ZBTB20: variants seen among roughly 807,000 people sequenced by gnomAD.
ZBTB20 encodes the protein zinc finger and BTB domain containing 20, also known as zinc finger and BTB domain-containing protein 20.
A neutral mutation model predicts 56.9 loss-of-function variants in ZBTB20; 9 were observed. The ratio of observed to expected loss-of-function variants is 0.16; its 90% CI spans 0.10 to 0.28. ZBTB20 has a LOEUF of 0.28. ZBTB20 is among the 10% of genes least tolerant of loss of function. The probability of loss-of-function intolerance (pLI) is 1.00; values close to 1 mark genes in which losing one functional copy is unlikely to be tolerated. For missense variants in ZBTB20, 655 were observed against 1,003.0 expected (o/e 0.65, Z 4.69); for synonymous variants, 417 against 420.7 (o/e 0.99, Z 0.11).
chr3:114,933,352 G>T (rs181562697), intron 3 of ZBTB20, among the ~76,000 whole-genome samples: 1 of 152,324 alleles, frequency 6.6e-6, no homozygotes, highest in Admixed American at 6.5e-5. Flanking sequence ...GGGATACTCT[G>T]GAAAACAGTA....
intron 3 of ZBTB20, among the ~76,000 whole-genome samples, chr3:114,912,322 A>G (rs573242837): frequency 1.3e-5 from 2 of 151,132 alleles, no homozygotes; most frequent in Non-Finnish European, 2.9e-5. Context: ...AAATTATATG[A>G]AAGAATAAAA....
At chr3:115,017,970 T>C (rs1025783073) in intron 2 of ZBTB20, among the ~76,000 whole-genome samples, 1 of 151,634 alleles carries the variant, frequency 6.6e-6, no homozygotes, top group Non-Finnish European at 1.5e-5. Context: ...ACCCAGTTTC[T>C]TGAAATTTAC....
intron 6 of ZBTB20, among the ~76,000 whole-genome samples, chr3:114,539,129 G>C (rs12487346): frequency 0.51 from 76,956 of 151,930 alleles, 22,975 homozygotes; most frequent in East Asian, 0.75. Flanking sequence ...TAAGTGTCCA[G>C]GCTCCTTCCA....
At chr3:114,989,214 C>T (rs1279824391) in intron 2 of ZBTB20, among the ~76,000 whole-genome samples, 1 of 152,116 alleles carries the variant, frequency 6.6e-6, no homozygotes, top group Non-Finnish European at 1.5e-5. Flanking sequence ...AGGTTTTCTT[C>T]TAGGATTTTT....
chr3:114,622,188 T>C (rs1448066879), intron 6 of ZBTB20, among the ~76,000 whole-genome samples: 5 of 152,140 alleles, frequency 3.3e-5, no homozygotes, highest in African/African-American at 9.7e-5. Flanking sequence ...CCTGGGAGTC[T>C]GGGCAGTTTG....
chr3:114,862,169 A>T (rs2075565801), intron 4 of ZBTB20, among the ~76,000 whole-genome samples: 1 of 152,202 alleles, frequency 6.6e-6, no homozygotes, highest in Non-Finnish European at 1.5e-5. Flanking sequence ...AGCAATTACA[A>T]CCTCAGATTT....
At chr3:115,106,474 C>A (rs2083727835) in intron 1 of ZBTB20, among the ~76,000 whole-genome samples, 1 of 151,680 alleles carries the variant, frequency 6.6e-6, no homozygotes, top group African/African-American at 2.4e-5. Context: ...ACCTTGTGTT[C>A]CGCCTGCCTC....
chr3:114,384,068 T>C (rs932560578), intron 8 of ZBTB20, among the ~76,000 whole-genome samples: 4 of 151,126 alleles, frequency 2.6e-5, no homozygotes, highest in African/African-American at 9.8e-5. Flanking sequence ...TGCCAGGCTC[T>C]GGCCTCTCAG....
chr3:114,318,232 G>A lies in ZBTB20; in HGVS notation c.*20773C>T, dbSNP rs1271454013. ...TGGATGGATAATCCACAGAGTCAAA[G>A]AGGAGGTGGGCAAGATCCCTTGTGC... On this transcript the variant is annotated 3_prime_UTR_variant, in exon 12 of 12. Coordinates refer to ENST00000675478, the MANE Select transcript of ZBTB20 (RefSeq NM_001348800.3). The A allele has an allele frequency of 6.6e-6, 1 of 152,256 alleles. No individual in the cohort carries two copies. Among genetic ancestry groups the A allele is most frequent in the East Asian group, 1.9e-4 (1 of 5,208 alleles). 9.4% of individuals were successfully genotyped at this position (152,256 alleles called of 1,614,324 possible).
At chr3:114,667,689 T>C (rs1431922292) in intron 6 of ZBTB20, among the ~76,000 whole-genome samples, 1 of 152,066 alleles carries the variant, frequency 6.6e-6, no homozygotes, top group Non-Finnish European at 1.5e-5. Context: ...AATATCAAGA[T>C]GCTCTTTCAA....
rs139822145 is a variant in ZBTB20 at position 114,819,855 on chromosome 3, TA to T, written c.-416-18682del. Among the ~76,000 whole-genome samples, 228 of 151,836 alleles carry T rather than the reference TA, an allele frequency of 1.5e-3. 4 individuals carry two copies. The East Asian group carries it at 0.039, about 26-fold the overall frequency. On this transcript the variant is annotated intron_variant, in intron 4 of 11. Coordinates refer to ENST00000675478, the MANE Select transcript of ZBTB20 (RefSeq NM_001348800.3). ...TTACAAATCAGTAAAACTACATGAGTAAAGACCACAAGCAAACAATTTATAA... is the reference window on the plus strand; with the variant it reads ...TTACAAATCAGTAAAACTACATGAGTAAGACCACAAGCAAACAATTTATAA...
At chr3:115,079,196 T>A (rs2082704683) in intron 1 of ZBTB20, among the ~76,000 whole-genome samples, 1 of 152,130 alleles carries the variant, frequency 6.6e-6, no homozygotes, top group African/African-American at 2.4e-5. Context: ...AGTGCTAGAA[T>A]CAACACACTG....
intron 6 of ZBTB20, among the ~76,000 whole-genome samples, chr3:114,575,605 AT>A (rs1196164726): frequency 1.2e-4 from 18 of 150,320 alleles, no homozygotes; most frequent in Non-Finnish European, 1.9e-4. Context: ...AAAAAAAAAA[AT>A]AGGAACTACT....
chr3:114,959,720 T>TACACAC (rs56785871), intron 3 of ZBTB20, among the ~76,000 whole-genome samples: 3,803 of 145,300 alleles, frequency 0.026, 78 homozygotes, highest in African/African-American at 0.051. Flanking sequence ...TTTATATACA[T>TACACAC]ACACACACAC....
chr3:114,469,893 A>T (rs535107244), intron 7 of ZBTB20, among the ~76,000 whole-genome samples: 1 of 152,280 alleles, frequency 6.6e-6, no homozygotes, highest in East Asian at 1.9e-4. Flanking sequence ...GAGATTGTGC[A>T]TTAATTTTTG....
At chr3:114,842,258 C>T (rs1394373577) in intron 4 of ZBTB20, among the ~76,000 whole-genome samples, 2 of 151,972 alleles carry the variant, frequency 1.3e-5, no homozygotes, top group Non-Finnish European at 2.9e-5. Context: ...GCCTAGGTGT[C>T]ATTTTAGAGG....
At chr3:115,046,042 T>G (rs1187880154) in intron 2 of ZBTB20, among the ~76,000 whole-genome samples, 1 of 152,164 alleles carries the variant, frequency 6.6e-6, no homozygotes, top group Non-Finnish European at 1.5e-5. Flanking sequence ...GAAAAATAAT[T>G]TTAAAACATC....
At chr3:114,376,152 G>A (rs77087134) in intron 10 of ZBTB20, among the ~76,000 whole-genome samples, 4 of 152,124 alleles carry the variant, frequency 2.6e-5, no homozygotes, top group Non-Finnish European at 5.9e-5. Context: ...ATAGTCTTCC[G>A]TTCCAGGATA....
intron 2 of ZBTB20, among the ~76,000 whole-genome samples, chr3:115,061,699 A>C (rs1232141386): frequency 2.0e-5 from 3 of 152,188 alleles, no homozygotes; most frequent in African/African-American, 7.2e-5. Flanking sequence ...TACAAGAGTA[A>C]ATTAGAGTGT....
Sources: allele counts gnomAD v4.1 joint callset (sites outside exome capture counted in the v4.1 genomes callset), GRCh38; gene constraint gnomAD v4.1.1; transcripts MANE v1.5; gene names NCBI Gene and HGNC (gene_info 2026-07-23, HGNC 2026-07-21).